GALNT10: variants seen among roughly 807,000 people sequenced by gnomAD.
The protein encoded by GALNT10 is polypeptide N-acetylgalactosaminyltransferase 10.
In GALNT10, 41 loss-of-function variants were observed where a neutral mutation model predicts 75.0. The ratio of observed to expected loss-of-function variants is 0.55; its 90% CI spans 0.43 to 0.71. The LOEUF (loss-of-function observed/expected upper bound fraction) is 0.71, where lower values mean the gene tolerates loss of function less well. Ranked by LOEUF, GALNT10 falls within the 30% of genes least tolerant of loss-of-function variation. The probability of loss-of-function intolerance (pLI) is 0.00; values close to 1 mark genes in which losing one functional copy is unlikely to be tolerated. For missense variants in GALNT10, 727 were observed against 818.5 expected, an observed-to-expected ratio of 0.89 and a Z score of 1.36; for synonymous variants, 302 against 313.0, an observed-to-expected ratio of 0.96 and a Z score of 0.37.
chr5:154,338,014 C>T, intron 4 of GALNT10: 1 of 1,544,254 alleles, frequency 6.5e-7, no homozygotes, highest in Non-Finnish European at 8.8e-7. Flanking sequence ...CTGCCTCGAT[C>T]AGTCATGATT....
At chr5:154,382,115 G>A (rs1039380421) in intron 6 of GALNT10, among the ~76,000 whole-genome samples, 1 of 152,226 alleles carries the variant, frequency 6.6e-6, no homozygotes, top group Admixed American at 6.5e-5. Context: ...AAGCAGGACT[G>A]TTGGAAGCTC....
At position 154,386,438 on chromosome 5, in the gene GALNT10, A is replaced by C; in HGVS notation, c.1056+8A>C. The C allele has an allele frequency of 1.3e-6, 2 of 1,535,332 alleles. No homozygotes were observed. Among genetic ancestry groups the C allele is most frequent in the African/African-American group, 2.7e-5 (2 of 73,566 alleles). ...TATGAAATCTCCTTCAAGGTGAGCCAGCTCTCCAGACGCCCCGTTCTTGGC... is the reference window on the plus strand; with the variant it reads ...TATGAAATCTCCTTCAAGGTGAGCCCGCTCTCCAGACGCCCCGTTCTTGGC... On this transcript the variant is annotated splice_region_variant and intron_variant, in intron 7 of 11. Coordinates refer to ENST00000297107, the MANE Select transcript of GALNT10 (RefSeq NM_198321.4).
chr5:154,209,035 G>A (rs1459371667), intron 1 of GALNT10, among the ~76,000 whole-genome samples: 1 of 152,212 alleles, frequency 6.6e-6, no homozygotes, highest in African/African-American at 2.4e-5. Context: ...GAAACACATG[G>A]TGAGGTATCT....
chr5:154,355,556 G>A (rs1460814574), intron 4 of GALNT10, among the ~76,000 whole-genome samples: 2 of 152,252 alleles, frequency 1.3e-5, no homozygotes, highest in Non-Finnish European at 1.5e-5. Context: ...GAGCTCACTG[G>A]TGATGTCAGC....
intron 1 of GALNT10, among the ~76,000 whole-genome samples, chr5:154,235,646 TG>T (rs2113664923): frequency 6.6e-6 from 1 of 152,348 alleles, no homozygotes; most frequent in South Asian, 2.1e-4. Context: ...CTTAATGTTG[TG>T]ACCCTGAGCC....
intron 6 of GALNT10, among the ~76,000 whole-genome samples, chr5:154,382,563 T>C (rs1285908030): frequency 6.6e-6 from 1 of 152,184 alleles, no homozygotes; most frequent in Non-Finnish European, 1.5e-5. Context: ...ATCCTTATAA[T>C]AATGTAGGAT....
At chr5:154,246,890 T>TA (rs1753433877) in intron 1 of GALNT10, among the ~76,000 whole-genome samples, 1 of 152,248 alleles carries the variant, frequency 6.6e-6, no homozygotes, top group African/African-American at 2.4e-5. Flanking sequence ...TGCCCATGCC[T>TA]ACGTCTTGAA....
At chr5:154,396,816 G>C (rs1011311360) in intron 7 of GALNT10, among the ~76,000 whole-genome samples, 4 of 152,102 alleles carry the variant, frequency 2.6e-5, no homozygotes, top group African/African-American at 9.7e-5. Context: ...ATGCACATAT[G>C]CTTAAAACTG....
In GALNT10 at chr5:154,219,837, C is replaced by CACACACACACACACACAA. The variant is rs1581924356; in HGVS notation, c.159+28812_159+28813insACACACACACACACACAA. On this transcript the variant is annotated intron_variant, in intron 1 of 11. Coordinates refer to ENST00000297107, the MANE Select transcript of GALNT10 (RefSeq NM_198321.4). ...GCTCTCTCTCTCTCTCTCTCTCTCT[C>CACACACACACACACACAA]TCACACACACACACACACACACACA... Among the ~76,000 whole-genome samples, 3 of 105,344 alleles carry CACACACACACACACACAA rather than the reference C, an allele frequency of 2.8e-5. No homozygotes were observed. In the East Asian group the frequency reaches 6.4e-4, roughly 23 times the overall value. The allele number at this position is 105,344 out of a possible 152,430, so 69.1% of individuals were successfully genotyped here. A position where few individuals can be genotyped will look rare whatever the true frequency, so the allele number is the denominator to read the frequency against.
At chr5:154,380,112 T>C (rs1383519559) in intron 5 of GALNT10, among the ~76,000 whole-genome samples, 2 of 152,178 alleles carry the variant, frequency 1.3e-5, no homozygotes, top group Non-Finnish European at 2.9e-5. Flanking sequence ...ATTATGCTAA[T>C]AATAAGGCAC....
intron 1 of GALNT10, among the ~76,000 whole-genome samples, chr5:154,265,901 C>A (rs570277756): frequency 2.6e-4 from 25 of 95,534 alleles, no homozygotes; most frequent in South Asian, 9.7e-4. Flanking sequence ...GTTTCAATCT[C>A]ATTAAAAAAA....
chr5:154,375,239 T>C (rs919008069), intron 4 of GALNT10, among the ~76,000 whole-genome samples: 2 of 152,198 alleles, frequency 1.3e-5, no homozygotes, highest in East Asian at 3.9e-4. Flanking sequence ...CAATATTGAA[T>C]AGATGTTGTG....
intron 4 of GALNT10, among the ~76,000 whole-genome samples, chr5:154,374,591 C>A (rs1165982552): frequency 2.0e-5 from 3 of 152,232 alleles, no homozygotes; most frequent in East Asian, 3.8e-4. Flanking sequence ...TTCAAGCGAT[C>A]CCCCCACCTC....
At chr5:154,289,938 GT>G (rs1754168818) in intron 1 of GALNT10, among the ~76,000 whole-genome samples, 1 of 152,202 alleles carries the variant, frequency 6.6e-6, no homozygotes, top group Non-Finnish European at 1.5e-5. Context: ...TTTGGTGATA[GT>G]TTAGATGATC....
intron 1 of GALNT10, among the ~76,000 whole-genome samples, chr5:154,282,905 A>C (rs1399048623): frequency 6.6e-6 from 1 of 152,222 alleles, no homozygotes; most frequent in East Asian, 1.9e-4. Context: ...ACAATATTCA[A>C]ATGATCATCC....
chr5:154,290,379 G>A (rs1752001186), intron 1 of GALNT10, among the ~76,000 whole-genome samples: 1 of 150,780 alleles, frequency 6.6e-6, no homozygotes. Flanking sequence ...AAAGTATTGG[G>A]ATTACAGGCG....
At chr5:154,300,084 C>A (rs1754338560) in intron 3 of GALNT10, among the ~76,000 whole-genome samples, 1 of 152,218 alleles carries the variant, frequency 6.6e-6, no homozygotes, top group Middle Eastern at 3.4e-3. Flanking sequence ...GATCTTTCTG[C>A]CTCAGCCTCC....
In GALNT10 at chr5:154,203,509, GGGTGACCTAAGAATTT is replaced by G. The variant is rs1289384933; in HGVS notation, c.159+12485_159+12500del. ...TCCTAGGTAGTCTGCCATGGCTCAGGGGTGACCTAAGAATTTCTTGAGTACCCTCTACCCATCCTTT... is the reference window on the plus strand; with the variant it reads ...TCCTAGGTAGTCTGCCATGGCTCAGGCTTGAGTACCCTCTACCCATCCTTT... On this transcript the variant is annotated intron_variant, in intron 1 of 11. Coordinates refer to ENST00000297107, the MANE Select transcript of GALNT10 (RefSeq NM_198321.4). 9.2e-5 allele frequency among the ~76,000 whole-genome samples: 14 copies of G among 151,494 alleles called. 1 individual carries two copies. Among genetic ancestry groups the G allele is most frequent in the Admixed American group, 8.5e-4 (13 of 15,290 alleles).
intron 1 of GALNT10, among the ~76,000 whole-genome samples, chr5:154,212,639 G>C (rs1752782165): frequency 6.6e-6 from 1 of 152,192 alleles, no homozygotes; most frequent in Non-Finnish European, 1.5e-5. Context: ...CAGCTTGTAA[G>C]TGAGTGAGTT....
Sources: allele counts gnomAD v4.1 joint callset (sites outside exome capture counted in the v4.1 genomes callset), GRCh38; gene constraint gnomAD v4.1.1; transcripts MANE v1.5; gene names NCBI Gene and HGNC (gene_info 2026-07-23, HGNC 2026-07-21).